GRIA4: variants seen among roughly 807,000 people sequenced by gnomAD.
GRIA4 encodes the protein glutamate ionotropic receptor AMPA type subunit 4.
GRIA4 carries 34 observed loss-of-function variants against 104.0 expected under a neutral mutation model. The observed-to-expected ratio is 0.33, with a 90% confidence interval of 0.25 to 0.44. GRIA4 has a LOEUF of 0.44. Ranked by LOEUF, GRIA4 falls within the 20% of genes least tolerant of loss-of-function variation. GRIA4 has a pLI of 1.00. For synonymous variants in GRIA4, 386 were observed against 381.9 expected (o/e 1.01, Z -0.13); for missense variants, 750 against 1,096.5 (o/e 0.68, Z 4.46).
chr11:105,611,359 G>A (rs1223157079), intron 2 of GRIA4, among the ~76,000 whole-genome samples: 6 of 151,872 alleles, frequency 4.0e-5, no homozygotes, highest in Non-Finnish European at 7.4e-5. Context: ...GAAATAAGTT[G>A]GGGGAAAGTC....
chr11:105,813,093 C>CAAA (rs58984237), intron 4 of GRIA4, among the ~76,000 whole-genome samples: 57 of 79,816 alleles, frequency 7.1e-4, no homozygotes, highest in African/African-American at 1.4e-3. Flanking sequence ...GACTCCATCT[C>CAAA]AAAAAAAAAA....
rs1591268247 is a variant in GRIA4 at position 105,794,471 on chromosome 11, A to ATGTATG, written c.487+41256_487+41257insGTGTAT. 1.2e-4 allele frequency among the ~76,000 whole-genome samples: 7 copies of ATGTATG among 56,212 alleles called. 1 individual carries two copies. Among genetic ancestry groups the ATGTATG allele is most frequent in the East Asian group, 5.2e-4 (1 of 1,940 alleles). The allele number at this position is 56,212 out of a possible 152,430, so 36.9% of individuals were successfully genotyped here. On this transcript the variant is annotated intron_variant, in intron 4 of 16. Coordinates refer to ENST00000282499, the MANE Select transcript of GRIA4 (RefSeq NM_000829.4). ...TGTGTGTCTGTGTGTGTGTATATGT[A>ATGTATG]TGTATATATATATATATATATATAT... is the stretch of plus-strand genomic sequence containing the variant.
chr11:105,663,024 C>T (rs1329150647), intron 3 of GRIA4, among the ~76,000 whole-genome samples: 4 of 151,742 alleles, frequency 2.6e-5, no homozygotes, highest in African/African-American at 4.8e-5. Context: ...AAAATAATCA[C>T]GACAGATAAT....
At position 105,671,205 on chromosome 11, in the gene GRIA4, C is replaced by T. The variant is rs188511865; in HGVS notation, c.247+58771C>T. Reference sequence around the variant, plus strand: ...GTGTAAGGTAACATATTCACAGGTACCAGGTGTTAGAAAAGGGACTTCTTT... The same window carrying T: ...GTGTAAGGTAACATATTCACAGGTATCAGGTGTTAGAAAAGGGACTTCTTT... On this transcript the variant is annotated intron_variant, in intron 3 of 16. Transcript: ENST00000282499. Among the ~76,000 whole-genome samples, 314 of 152,154 alleles carry T rather than the reference C, an allele frequency of 2.1e-3. 11 individuals are homozygous for T. In the South Asian group the frequency reaches 0.054, roughly 26 times the overall value.
intron 14 of GRIA4, among the ~76,000 whole-genome samples, chr11:105,961,014 T>C: frequency 6.6e-6 from 1 of 152,152 alleles, no homozygotes; most frequent in Non-Finnish European, 1.5e-5. Flanking sequence ...ATTATGTTTT[T>C]TTCCGATGGA....
chr11:105,630,304 GCCTGTAATC>G (rs950914243), intron 3 of GRIA4, among the ~76,000 whole-genome samples: 2 of 152,180 alleles, frequency 1.3e-5, no homozygotes, highest in Admixed American at 1.3e-4. Context: ...AGTGGCTCAT[GCCTGTAATC>G]CCAGCACTTT....
At chr11:105,839,343 T>C (rs769988037) in intron 4 of GRIA4, among the ~76,000 whole-genome samples, 3 of 152,116 alleles carry the variant, frequency 2.0e-5, no homozygotes, top group Non-Finnish European at 4.4e-5. Context: ...CTTCTTTGCA[T>C]GTCTAAATCC....
At chr11:105,779,625 A>T (rs1219390090) in intron 4 of GRIA4, among the ~76,000 whole-genome samples, 1 of 151,760 alleles carries the variant, frequency 6.6e-6, no homozygotes, top group African/African-American at 2.4e-5. Flanking sequence ...CCTAAAACTT[A>T]AAAGTATAAT....
At chr11:105,884,955 G>C (rs1459985867) in intron 5 of GRIA4, among the ~76,000 whole-genome samples, 1 of 151,828 alleles carries the variant, frequency 6.6e-6, no homozygotes, top group Non-Finnish European at 1.5e-5. Flanking sequence ...AGCTGAGAGT[G>C]TTAAGAAATA....
chr11:105,634,130 C>T (rs572797071), intron 3 of GRIA4, among the ~76,000 whole-genome samples: 1 of 151,844 alleles, frequency 6.6e-6, no homozygotes, highest in Non-Finnish European at 1.5e-5. Context: ...GGGCAGATCA[C>T]GAGGTCAGGA....
chr11:105,652,884 C>A (rs1416884810), intron 3 of GRIA4, among the ~76,000 whole-genome samples: 3 of 152,088 alleles, frequency 2.0e-5, no homozygotes, highest in South Asian at 2.1e-4. Context: ...ATCTTAGGAA[C>A]CTCGGCATAC....
chr11:105,723,171 A>C (rs1937950372), intron 3 of GRIA4, among the ~76,000 whole-genome samples: 1 of 152,148 alleles, frequency 6.6e-6, no homozygotes, highest in Non-Finnish European at 1.5e-5. Context: ...ATCAATGAGA[A>C]AGGAAATGCT....
chr11:105,835,915 A>G (rs1429919584), intron 4 of GRIA4, among the ~76,000 whole-genome samples: 1 of 152,124 alleles, frequency 6.6e-6, no homozygotes, highest in African/African-American at 2.4e-5. Flanking sequence ...AAAGAAAGAA[A>G]AAAAGTTTAT....
chr11:105,728,999 A>G (rs756767505), intron 3 of GRIA4, among the ~76,000 whole-genome samples: 11 of 152,196 alleles, frequency 7.2e-5, no homozygotes, highest in Non-Finnish European at 1.2e-4. Flanking sequence ...GAAATAACTA[A>G]GATCAGAGCT....
At chr11:105,848,873 G>T (rs1040684783) in intron 4 of GRIA4, among the ~76,000 whole-genome samples, 1 of 152,016 alleles carries the variant, frequency 6.6e-6, no homozygotes, top group East Asian at 1.9e-4. Context: ...CAGAGACTAG[G>T]GCCTTTATTT....
intron 3 of GRIA4, among the ~76,000 whole-genome samples, chr11:105,639,887 C>T (rs775010860): frequency 3.3e-5 from 5 of 151,796 alleles, no homozygotes; most frequent in Non-Finnish European, 7.4e-5. Context: ...TTTCACAGCC[C>T]CTTTTACAGA....
intron 4 of GRIA4, among the ~76,000 whole-genome samples, chr11:105,845,914 A>G (rs1944577253): frequency 6.6e-6 from 1 of 151,992 alleles, no homozygotes; most frequent in Non-Finnish European, 1.5e-5. Context: ...AAACAAACAA[A>G]CAAAAACTAT....
intron 4 of GRIA4, among the ~76,000 whole-genome samples, chr11:105,773,999 A>C (rs1474053133): frequency 2.0e-5 from 3 of 151,850 alleles, no homozygotes; most frequent in Non-Finnish European, 2.9e-5. Context: ...AAAATTAATT[A>C]TGCTACAAAG....
chr11:105,705,250 T>C (rs1953652302), intron 3 of GRIA4, among the ~76,000 whole-genome samples: 1 of 152,124 alleles, frequency 6.6e-6, no homozygotes, highest in Non-Finnish European at 1.5e-5. Context: ...CCTCATACTA[T>C]ACACCAGAAT....
Sources: allele counts gnomAD v4.1 joint callset (sites outside exome capture counted in the v4.1 genomes callset), GRCh38; gene constraint gnomAD v4.1.1; transcripts MANE v1.5; gene names NCBI Gene and HGNC (gene_info 2026-07-23, HGNC 2026-07-21).